Variants in KAZN observed in about 807,000 individuals in gnomAD.
KAZN encodes the protein kazrin, periplakin interacting protein.
A neutral mutation model predicts 87.4 loss-of-function variants in KAZN; 40 were observed. That is an observed-to-expected ratio of 0.46 (90% CI 0.36 to 0.60). The LOEUF is 0.60. Ranked by LOEUF, KAZN falls within the 20% of genes least tolerant of loss-of-function variation. The pLI is 0.00. For missense variants in KAZN, 898 were observed against 1,073.9 expected, an observed-to-expected ratio of 0.84 and a Z score of 2.29; for synonymous variants, 466 against 458.3, an observed-to-expected ratio of 1.02 and a Z score of -0.22.
chr1:14,920,109 GCAGACAC>G (rs1658330919), intron 1 of KAZN, among the ~76,000 whole-genome samples: 1 of 152,042 alleles, frequency 6.6e-6, no homozygotes, highest in Admixed American at 6.6e-5. Context: ...TCAACTTTAA[GCAGACAC>G]CAAACATAAT....
intron 1 of KAZN, among the ~76,000 whole-genome samples, chr1:14,114,972 T>C (rs1015934861): frequency 2.6e-5 from 4 of 152,250 alleles, no homozygotes; most frequent in Admixed American, 2.6e-4. Context: ...AGGTCTATTG[T>C]GTACAAACCC....
Position 14,707,454 on chromosome 1 carries a change from T to C in KAZN, c.226+108231T>C, listed in dbSNP as rs1054260272. On this transcript the variant is annotated intron_variant, in intron 1 of 14. Transcript: ENST00000376030. Reference sequence around the variant, plus strand: ...CGAGAGCTGCACCAAGCTGGGAGTTTCTCTCCGGCCATCAACTTTCTTGTC... The same window carrying C: ...CGAGAGCTGCACCAAGCTGGGAGTTCCTCTCCGGCCATCAACTTTCTTGTC... 5.9e-5 allele frequency among the ~76,000 whole-genome samples: 9 copies of C among 152,320 alleles called. No individual in the cohort carries two copies. In the Middle Eastern group the frequency reaches 0.01, roughly 173 times the overall value.
intron 2 of KAZN, among the ~76,000 whole-genome samples, chr1:14,330,518 A>G (rs1317860152): frequency 6.6e-6 from 1 of 152,226 alleles, no homozygotes; most frequent in Non-Finnish European, 1.5e-5. Context: ...CAGGTCTCAG[A>G]AGAAAAATGA....
intron 2 of KAZN, among the ~76,000 whole-genome samples, chr1:14,239,719 C>T (rs566682486): frequency 6.6e-6 from 1 of 151,960 alleles, no homozygotes; most frequent in Admixed American, 6.6e-5. Context: ...CTCAGCCTCC[C>T]AAAGTGCTGG....
In KAZN at chr1:13,999,426, G is replaced by T. The variant is rs182499130; in HGVS notation, c.91+105670G>T. 2.6e-5 allele frequency among the ~76,000 whole-genome samples: 4 copies of T among 152,202 alleles called. No individual in the cohort carries two copies. The East Asian group carries it at 7.7e-4, about 29-fold the overall frequency. ...CTCACTCAAAACCACACAATTTCAT[G>T]GAAATTGAACAACTTGCTCCTGAAT... On this transcript the variant is annotated intron_variant, in intron 1 of 16. Coordinates refer to the KAZN transcript ENST00000636203.
At chr1:14,708,405 AG>A (rs1294774083) in intron 1 of KAZN, among the ~76,000 whole-genome samples, 1 of 152,240 alleles carries the variant, frequency 6.6e-6, no homozygotes, top group Non-Finnish European at 1.5e-5. Context: ...TTTAAATCCC[AG>A]TCTCTTCAGC....
At chr1:14,209,165 C>G (rs1450798566) in intron 2 of KAZN, among the ~76,000 whole-genome samples, 1 of 152,224 alleles carries the variant, frequency 6.6e-6, no homozygotes, top group Non-Finnish European at 1.5e-5. Context: ...CCAGATCCCT[C>G]CTTCGTGCTG....
chr1:13,949,597 A>G (rs1341524341), intron 1 of KAZN, among the ~76,000 whole-genome samples: 1 of 152,150 alleles, frequency 6.6e-6, no homozygotes, highest in Non-Finnish European at 1.5e-5. Context: ...AACAGCTCAC[A>G]CTTTACTGAG....
rs1212820967 is a variant in KAZN at position 15,062,262 on chromosome 1, C to T, written c.1048-1310C>T. On this transcript the variant is annotated intron_variant, in intron 6 of 14. Transcript: ENST00000376030. ...GATAAGCCAGTTGTCTGCATACAGG[C>T]GTTTCAGTGAGCAGGCCCCATTCTC... The T allele has an allele frequency of 2.0e-5, 3 of 152,582 alleles. No individual in the cohort carries two copies. The East Asian group carries it at 5.8e-4, about 29-fold the overall frequency. 9.5% of individuals were successfully genotyped at this position (152,582 alleles called of 1,614,324 possible).
At chr1:14,392,929 G>C (rs943348273) in intron 2 of KAZN, among the ~76,000 whole-genome samples, 5 of 152,252 alleles carry the variant, frequency 3.3e-5, no homozygotes, top group African/African-American at 1.2e-4. Flanking sequence ...GTCAGGAGGG[G>C]AGGGTATTGT....
rs143254162 is a variant in KAZN, at chr1:14,872,938, AGATG to A, written c.227-87719_227-87716del. Reference sequence around the variant, plus strand: ...TGGGTGGATGGATGGATGGATGGATAGATGGATGGATGGATGGATGGATGGATGG... The same window carrying A: ...TGGGTGGATGGATGGATGGATGGATAGATGGATGGATGGATGGATGGATGG... On this transcript the variant is annotated intron_variant, in intron 1 of 14. Coordinates refer to ENST00000376030, the MANE Select transcript of KAZN (RefSeq NM_201628.3). Among the ~76,000 whole-genome samples, 371 of 146,230 alleles carry A rather than the reference AGATG, an allele frequency of 2.5e-3. 2 individuals are homozygous for A. The highest frequency in any genetic ancestry group is 5.4e-3 in the African/African-American group (211 of 39,286).
chr1:14,483,700 C>G (rs1157691642), intron 2 of KAZN, among the ~76,000 whole-genome samples: 1 of 152,224 alleles, frequency 6.6e-6, no homozygotes, highest in East Asian at 1.9e-4. Flanking sequence ...CAAATATTTT[C>G]TCCCATTCAA....
At chr1:14,177,700 C>G (rs1183619963) in intron 1 of KAZN, among the ~76,000 whole-genome samples, 1 of 151,874 alleles carries the variant, frequency 6.6e-6, no homozygotes, top group Non-Finnish European at 1.5e-5. Context: ...CAGGATAAAA[C>G]TCTACATGAC....
chr1:15,075,284 G>GA (rs372116143), intron 8 of KAZN, among the ~76,000 whole-genome samples: 3 of 152,062 alleles, frequency 2.0e-5, no homozygotes, highest in Non-Finnish European at 4.4e-5. Flanking sequence ...CAACTAGGGG[G>GA]AAAAAAATCC....
intron 1 of KAZN, among the ~76,000 whole-genome samples, chr1:13,929,596 A>C (rs1557727330): frequency 1.3e-5 from 2 of 152,154 alleles, no homozygotes; most frequent in Non-Finnish European, 2.9e-5. Context: ...AGCAGCTACT[A>C]AAGGTCTACT....
At chr1:15,065,602 C>G (rs755112015) in intron 7 of KAZN, 28 bp from the exon 8 acceptor site, 1 of 1,579,394 alleles carries the variant, frequency 6.3e-7, no homozygotes, top group Non-Finnish European at 8.6e-7. Context: ...CTCCCCCACC[C>G]TCTTCCACGT....
intron 1 of KAZN, among the ~76,000 whole-genome samples, chr1:14,724,864 A>G (rs1643304031): frequency 6.6e-6 from 1 of 152,352 alleles, no homozygotes; most frequent in Admixed American, 6.5e-5. Context: ...ACTCTGGTTC[A>G]TCAATTTTCA....
intron 2 of KAZN, among the ~76,000 whole-genome samples, chr1:15,007,056 C>CAAAAAAAAAAA (rs35245453): frequency 1.5e-5 from 1 of 67,902 alleles, no homozygotes; most frequent in African/African-American, 5.9e-5. Flanking sequence ...GACTCCGTCT[C>CAAAAAAAAAAA]AAAAAAAAAA....
chr1:14,275,039 C>T (rs1652241246), intron 2 of KAZN, among the ~76,000 whole-genome samples: 2 of 151,942 alleles, frequency 1.3e-5, no homozygotes, highest in Admixed American at 6.6e-5. Context: ...AAAAATGTGA[C>T]TCTATGCATA....
Sources: gnomAD v4.1 joint callset for allele counts (sites outside exome capture counted in the v4.1 genomes callset) on GRCh38, gnomAD v4.1.1 for gene constraint, MANE v1.5 for transcripts, NCBI Gene and HGNC (gene_info 2026-07-23, HGNC 2026-07-21) for gene names.